The following RASGRP3 variants were observed in gnomAD, a reference collection of about 807,000 sequenced individuals.
RASGRP3 encodes the protein RAS guanyl releasing protein 3.
A neutral mutation model predicts 82.7 loss-of-function variants in RASGRP3; 54 were observed. That is an observed-to-expected ratio of 0.65 (90% CI 0.52 to 0.82). RASGRP3 has a LOEUF of 0.82. Among genes scored for constraint, RASGRP3 ranks in the 40% least tolerant of loss-of-function variants. The probability of loss-of-function intolerance (pLI) is 0.00; values close to 1 mark genes in which losing one functional copy is unlikely to be tolerated. For missense variants in RASGRP3, 861 were observed against 828.9 expected, an observed-to-expected ratio of 1.04 and a Z score of -0.48; for synonymous variants, 309 against 300.5, an observed-to-expected ratio of 1.03 and a Z score of -0.29.
At chr2:33,480,849 G>A (rs924461948) in intron 1 of RASGRP3, among the ~76,000 whole-genome samples, 3 of 152,160 alleles carry the variant, frequency 2.0e-5, no homozygotes, top group Non-Finnish European at 4.4e-5. Flanking sequence ...GCTGTTTCAA[G>A]TGATTATTAT....
intron 2 of RASGRP3, among the ~76,000 whole-genome samples, chr2:33,467,694 C>G (rs888545285): frequency 2.0e-5 from 3 of 152,198 alleles, no homozygotes; most frequent in Non-Finnish European, 4.4e-5. Context: ...GGACCCACAG[C>G]TTCAGGAGGG....
chr2:33,516,460 C>A, intron 3 of RASGRP3, 82 bp from the exon 4 acceptor site: 1 of 870,588 alleles, frequency 1.1e-6, no homozygotes, highest in South Asian at 1.7e-5. Context: ...TGACATATGA[C>A]ACTACTGCGT....
intron 1 of RASGRP3, among the ~76,000 whole-genome samples, chr2:33,447,375 G>T (rs1665558766): frequency 6.6e-6 from 1 of 151,960 alleles, no homozygotes; most frequent in Non-Finnish European, 1.5e-5. Flanking sequence ...CTCTGACAAA[G>T]ACAAAACATA....
At chr2:33,458,349 T>C (rs1376533170) in intron 2 of RASGRP3, among the ~76,000 whole-genome samples, 1 of 152,222 alleles carries the variant, frequency 6.6e-6, no homozygotes, top group African/African-American at 2.4e-5. Context: ...TTATGATTTT[T>C]TTTCTGTGCA....
chr2:33,509,801 C>G (rs1249990746), intron 1 of RASGRP3, among the ~76,000 whole-genome samples: 1 of 152,174 alleles, frequency 6.6e-6, no homozygotes, highest in East Asian at 1.9e-4. Context: ...ACCAGCCACT[C>G]TAGTATTCTG....
intron 12 of RASGRP3, among the ~76,000 whole-genome samples, chr2:33,541,372 A>T (rs1337723418): frequency 6.8e-6 from 1 of 147,010 alleles, no homozygotes; most frequent in Non-Finnish European, 1.5e-5. Flanking sequence ...CTACATACAT[A>T]TATACATGTG....
intron 17 of RASGRP3, among the ~76,000 whole-genome samples, chr2:33,561,010 T>C (rs1028144559): frequency 2.0e-5 from 3 of 152,210 alleles, no homozygotes; most frequent in Non-Finnish European, 4.4e-5. Flanking sequence ...TTCCTGGAAA[T>C]TGAACTTTTA....
At chr2:33,439,246 G>T (rs1665091775) in intron 1 of RASGRP3, among the ~76,000 whole-genome samples, 1 of 152,166 alleles carries the variant, frequency 6.6e-6, no homozygotes, top group South Asian at 2.1e-4. Context: ...AAGTATACAG[G>T]ACACAAAGCA....
chr2:33,441,693 G>T (rs1665234341), intron 1 of RASGRP3, among the ~76,000 whole-genome samples: 1 of 152,146 alleles, frequency 6.6e-6, no homozygotes, highest in Non-Finnish European at 1.5e-5. Context: ...ACATATGTTT[G>T]GCTACTAAAC....
chr2:33,468,102 G>A (rs999727952), intron 2 of RASGRP3, among the ~76,000 whole-genome samples: 1 of 148,148 alleles, frequency 6.8e-6, no homozygotes, highest in Non-Finnish European at 1.5e-5. Context: ...AAGTACTTAA[G>A]TGTCTTTGTA....
chr2:33,497,621 T>A (rs1260878838), intron 1 of RASGRP3, among the ~76,000 whole-genome samples: 1 of 152,232 alleles, frequency 6.6e-6, no homozygotes, highest in Admixed American at 6.5e-5. Context: ...TCAAGATTCA[T>A]TGGTCTATTA....
intron 1 of RASGRP3, chr2:33,482,372 CAT>C (rs1462479079): frequency 2.0e-5 from 3 of 152,170 alleles, no homozygotes; most frequent in Non-Finnish European, 2.9e-5. Context: ...CTTGAAGACT[CAT>C]ATAGTCAAGT....
intron 14 of RASGRP3, among the ~76,000 whole-genome samples, chr2:33,552,845 G>A (rs1675501774): frequency 6.6e-6 from 1 of 152,178 alleles, no homozygotes; most frequent in Admixed American, 6.5e-5. Context: ...TCACACCCAG[G>A]TCTCCTGACT....
At chr2:33,530,465 G>A (rs1461838241) in intron 10 of RASGRP3, among the ~76,000 whole-genome samples, 1 of 151,288 alleles carries the variant, frequency 6.6e-6, no homozygotes, top group Non-Finnish European at 1.5e-5. Flanking sequence ...GCCTGGGCAG[G>A]GCTGTGAGTG....
chr2:33,506,934 C>G (rs1027724671), intron 1 of RASGRP3, among the ~76,000 whole-genome samples: 3 of 152,108 alleles, frequency 2.0e-5, no homozygotes, highest in Admixed American at 6.5e-5. Context: ...ACAAGTTTGA[C>G]AGTGATGACA....
intron 2 of RASGRP3, among the ~76,000 whole-genome samples, chr2:33,463,437 A>G (rs570362479): frequency 6.5e-4 from 99 of 152,296 alleles, no homozygotes; most frequent in African/African-American, 2.2e-3. Context: ...GGGAAAAGAA[A>G]GAGAACTGAA....
chr2:33,478,812 G>A (rs1034031461), intron 1 of RASGRP3, among the ~76,000 whole-genome samples: 5 of 152,128 alleles, frequency 3.3e-5, no homozygotes, highest in South Asian at 2.1e-4. Context: ...TAATTTCAAC[G>A]CTAATAACAA....
intron 2 of RASGRP3, among the ~76,000 whole-genome samples, chr2:33,463,641 C>T (rs911173308): frequency 1.2e-4 from 18 of 145,506 alleles, no homozygotes; most frequent in Admixed American, 2.8e-4. Context: ...CACTATCGCC[C>T]GGGCTAGAGT....
intron 1 of RASGRP3, among the ~76,000 whole-genome samples, chr2:33,491,090 C>T (rs987447824): frequency 1.3e-5 from 2 of 151,990 alleles, no homozygotes; most frequent in East Asian, 1.9e-4. Context: ...CCGAGGCAGG[C>T]GGATTGCTTG....
Sources: gnomAD v4.1 joint callset for allele counts (sites outside exome capture counted in the v4.1 genomes callset) on GRCh38, gnomAD v4.1.1 for gene constraint, MANE v1.5 for transcripts, NCBI Gene and HGNC (gene_info 2026-07-23, HGNC 2026-07-21) for gene names.